Variants in NELFCD observed in about 807,000 individuals in gnomAD.
NELFCD encodes the protein negative elongation factor complex member C/D, also known as negative elongation factor C/D.
NELFCD carries 48 observed loss-of-function variants against 72.9 expected under a neutral mutation model. The ratio of observed to expected loss-of-function variants is 0.66; its 90% confidence interval spans 0.52 to 0.84. The LOEUF (loss-of-function observed/expected upper bound fraction) is 0.84, where lower values mean the gene tolerates loss of function less well. Ranked by LOEUF, NELFCD falls within the 40% of genes least tolerant of loss-of-function variation. NELFCD has a pLI of 0.00. For missense variants in NELFCD, 538 were observed against 723.8 expected, an observed-to-expected ratio of 0.74 and a Z score of 2.94; for synonymous variants, 297 against 280.6, an observed-to-expected ratio of 1.06 and a Z score of -0.59.
chr20:58,993,544 G>C lies in NELFCD; in HGVS notation c.1440G>C (p.Gln480His). ...ACTCCCAGCTGGACGTGATGGAGCA[G>C]GTGAGCAGTGCCCGTGGGGCTTGCC... Reference protein sequence around the residue: ...TEHSQLDVMEQLELKKTLLDR... With the variant: ...TEHSQLDVMEHLELKKTLLDR... Residue 480 changes from glutamine (Q) to histidine (H), a missense_variant and splice_region_variant, in exon 12 of 15, where the codon CAG becomes CAC. Gln to His is a conservative substitution (Grantham distance 24). This residue lies in a region of NELFCD where 136 missense variants were observed against 154.0 expected (regional missense o/e 0.88). Transcript: ENST00000652272. This position sits in a 1 kb window ranked among gnomAD's most constrained non-coding sequence, Gnocchi z 5.0. The C allele has an allele frequency of 9.9e-6, 16 of 1,614,242 alleles. No individual in the cohort carries two copies. The highest frequency in any genetic ancestry group is 1.3e-5 in the Non-Finnish European group (15 of 1,180,036).
rs140149615 is a variant in NELFCD, at chr20:58,988,339, T to C, written c.396+522T>C. On this transcript the variant is annotated intron_variant, in intron 4 of 14. Transcript: ENST00000652272. ...TCCAGCCATATCAGTGGGGAATCTT[T>C]AAGCCACAGGTGCCCATTCTGGGAG... 7.6e-3 allele frequency among the ~76,000 whole-genome samples: 1,157 copies of C among 152,312 alleles called. 20 individuals are homozygous for C. Among genetic ancestry groups the C allele is most frequent in the African/African-American group, 0.027 (1,114 of 41,570 alleles).
chr20:58,987,676 G>T (rs1276570226), intron 3 of NELFCD, 32 bp from the exon 4 acceptor site: 1 of 1,556,642 alleles, frequency 6.4e-7, no homozygotes. Context: ...TGGACAGCTT[G>T]CCATTGTCTA....
rs144257648 is a variant in NELFCD at position 58,993,508 on chromosome 20, T to G, written c.1404T>G (p.Phe468Leu). ...PQVLQLLVKL[F>L]ETEHSQLDVM... ...TCCTGCAGCTGCTTGTTAAGCTTTT[T>G]GAGACTGAGCACTCCCAGCTGGACG... The change falls in exon 12 of 15, where the codon TTT becomes TTG. Residue 468 changes from phenylalanine (F) to leucine (L), a missense_variant. By Grantham distance (22) the Phe-to-Leu change is conservative (BLOSUM62 0). Around this residue, in one of 3 missense-constraint regions of NELFCD, gnomAD observed 136 missense variants for 154.0 expected, o/e 0.88. Transcript: ENST00000652272. This position sits in a 1 kb window ranked among gnomAD's most constrained non-coding sequence, Gnocchi z 5.0. 6.2e-7 allele frequency: 1 copy of G among 1,614,218 alleles called. No homozygotes were observed. Among genetic ancestry groups the G allele is most frequent in the Non-Finnish European group, 8.5e-7 (1 of 1,180,048 alleles).
intron 8 of NELFCD, 118 bp downstream of exon 8, chr20:58,991,193 C>A: frequency 6.4e-7 from 1 of 1,550,660 alleles, no homozygotes; most frequent in Non-Finnish European, 8.8e-7. Flanking sequence ...GGTCCTTCCT[C>A]AGTCACACTC....
In NELFCD at chr20:58,989,983, G is replaced by A. The variant is rs750324749; in HGVS notation, c.783G>A (p.Gln261=). The change falls in exon 7 of 15, where the codon CAG becomes CAA. Residue 261 remains glutamine (Q), a synonymous_variant. Transcript: ENST00000652272. ...CCCAGGAAGTGCAGCGCTTTGCCCA[G>A]GAGAAGTGAGAGGCCCTGTTTCTGC... ...RIAQEVQRFA[Q]EKGHDASQIT... 6.2e-7 allele frequency: 1 copy of A among 1,612,564 alleles called. No homozygotes were observed. The highest frequency in any genetic ancestry group is 1.1e-5 in the South Asian group (1 of 91,042).
At chr20:58,983,434 C>G (rs1375608415) in intron 1 of NELFCD, among the ~76,000 whole-genome samples, 1 of 145,126 alleles carries the variant, frequency 6.9e-6, no homozygotes, top group Non-Finnish European at 1.5e-5. Context: ...CCGCACCCGG[C>G]CTTTTTTTTT....
rs2091797849 is a variant in NELFCD at position 58,989,514 on chromosome 20, G to A, written c.531G>A (p.Gly177=). The A allele has an allele frequency of 6.2e-7, 1 of 1,614,186 alleles. No individual in the cohort carries two copies. The highest frequency in any genetic ancestry group is 1.7e-5 in the Admixed American group (1 of 60,026). ...VKLISDAGYQ[G]EITSVSTACQ... The stretch of plus-strand genomic sequence containing the variant: ...TTATTTCTGACGCAGGGTACCAGGG[G>A]GAGATCACCAGTGTGTCCACAGCAT... The change falls in exon 6 of 15, where the codon GGG becomes GGA. Residue 177 remains glycine, a synonymous_variant. Transcript: ENST00000652272.
Position 58,994,131 on chromosome 20 carries a change from C to T in NELFCD, c.1603C>T (p.Pro535Ser), listed in dbSNP as rs367687877. The T allele has an allele frequency of 2.5e-6, 4 of 1,614,080 alleles. No homozygotes were observed. In the African/African-American group the frequency reaches 4.0e-5, roughly 16 times the overall value. The change falls in exon 14 of 15, where the codon CCT becomes TCT. Residue 535 changes from proline (P) to serine (S), a missense_variant. Transcript: ENST00000652272. ...GCAGGTGCTGGACGTCATTGCTCCT[C>T]CTTATACCTCTGACTTCGTGCAACT... is the stretch of plus-strand genomic sequence containing the variant. ...VTEVLDVIAP[P>S]YTSDFVQLFL...
intron 4 of NELFCD, among the ~76,000 whole-genome samples, chr20:58,988,657 G>T (rs1601214127): frequency 6.6e-6 from 1 of 152,130 alleles, no homozygotes; most frequent in Admixed American, 6.5e-5. Flanking sequence ...GCGGTTCTCG[G>T]TGTCTCCTAG....
rs768379686 is a variant in NELFCD, at chr20:58,991,454, C to T, written c.1089+8C>T. ...GTTGAGACCTGGAAGAAGGTACCAT[C>T]GGTTCTGGGAATTTGTGGATTTTTT... is the stretch of plus-strand genomic sequence containing the variant. On this transcript the variant is annotated splice_region_variant and intron_variant, in intron 9 of 14. Coordinates refer to ENST00000652272, the MANE Select transcript of NELFCD (RefSeq NM_198976.4). 3.5e-5 allele frequency: 57 copies of T among 1,613,896 alleles called. No homozygotes were observed. The highest frequency in any genetic ancestry group is 1.6e-4 in the Middle Eastern group (1 of 6,062).
In NELFCD at chr20:58,994,172, G is replaced by C; in HGVS notation, c.1644G>C (p.Leu548=). Residue 548 remains leucine, a synonymous_variant, in exon 14 of 15, where the codon CTG becomes CTC. Transcript: ENST00000652272. ...TCGTGCAACTTTTCCTCCCCATCCT[G>C]GAGAATGACAGCATCGCAGGTACCA... The part of the protein sequence containing the change: ...SDFVQLFLPI[L]ENDSIAGTIK... 1 of 1,614,206 alleles carries C rather than the reference G, an allele frequency of 6.2e-7. No homozygotes were observed. The highest frequency in any genetic ancestry group is 2.2e-5 in the East Asian group (1 of 44,882).
Position 58,994,808 on chromosome 20 carries a change from C to T in NELFCD, c.*132C>T. ...ACCGCTGGGAGGAGGTGGATGACTT[C>T]TTTACAAAGGAAAATGGTAGCAGCT... On this transcript the variant is annotated 3_prime_UTR_variant, in exon 15 of 15. Coordinates refer to ENST00000652272, the MANE Select transcript of NELFCD (RefSeq NM_198976.4). 1 of 722,642 alleles carries T rather than the reference C, an allele frequency of 1.4e-6. No individual in the cohort carries two copies. Among genetic ancestry groups the T allele is most frequent in the Non-Finnish European group, 2.5e-6 (1 of 407,336 alleles). The allele number at this position is 722,642 out of a possible 1,614,324, so 44.8% of individuals were successfully genotyped here. A position where few individuals can be genotyped will look rare whatever the true frequency, so the allele number is the denominator to read the frequency against.
chr20:58,991,139 G>T, intron 8 of NELFCD, 64 bp downstream of exon 8: 1 of 1,577,840 alleles, frequency 6.3e-7, no homozygotes, highest in Non-Finnish European at 8.7e-7. Flanking sequence ...GTCTGTGCTT[G>T]TCTGATTGTC....
chr20:58,988,558 C>G (rs577081284), intron 4 of NELFCD, among the ~76,000 whole-genome samples: 5 of 152,242 alleles, frequency 3.3e-5, no homozygotes, highest in East Asian at 3.9e-4. Context: ...GCCAGAACAC[C>G]TGTGCCATTT....
Position 58,986,888 on chromosome 20 carries a change from T to C in NELFCD, c.286+25T>C, listed in dbSNP as rs748848393. 1.3e-6 allele frequency: 2 copies of C among 1,485,142 alleles called. No homozygotes were observed. Among genetic ancestry groups the C allele is most frequent in the Non-Finnish European group, 1.9e-6 (2 of 1,074,276 alleles). 92.0% of individuals were successfully genotyped at this position (1,485,142 alleles called of 1,614,324 possible). ...GGTGCTTTGTGGGTGTCCCCTGTCC[T>C]GGCTAGTTACCCCCACTTTTTTAAA... is the stretch of plus-strand genomic sequence containing the variant. On this transcript the variant is annotated intron_variant, in intron 3 of 14. Coordinates refer to ENST00000652272, the MANE Select transcript of NELFCD (RefSeq NM_198976.4). This position sits in a 1 kb window ranked among gnomAD's most constrained non-coding sequence, Gnocchi z 4.4.
rs1402927553 is a variant in NELFCD at position 58,989,628 on chromosome 20, C to T, written c.645C>T (p.Leu215=). 2.5e-6 allele frequency: 4 copies of T among 1,614,206 alleles called. No homozygotes were observed. In the South Asian group the frequency reaches 4.4e-5, roughly 18 times the overall value. ...DGGEENLEKN[L]PEFAKMVCHG... is the part of the protein sequence containing the mutation. The stretch of plus-strand genomic sequence containing the variant: ...GAGAAGAAAACCTTGAAAAAAATCT[C>T]CCTGAGTTTGCCGTAAGTTCTTTCT... The change falls in exon 6 of 15, where the codon CTC becomes CTT. Residue 215 remains leucine, a synonymous_variant. Coordinates refer to ENST00000652272, the MANE Select transcript of NELFCD (RefSeq NM_198976.4).
At chr20:58,991,642 C>T (rs1343345840) in intron 9 of NELFCD, 196 bp downstream of exon 9, 2 of 747,124 alleles carry the variant, frequency 2.7e-6, no homozygotes, top group Admixed American at 5.8e-5. Flanking sequence ...GCTCTGCAAA[C>T]CGTAAATTGA....
At position 58,991,168 on chromosome 20, in the gene NELFCD, A is replaced by G. The variant is rs529481780; in HGVS notation, c.954+93A>G. On this transcript the variant is annotated intron_variant, in intron 8 of 14. Coordinates refer to ENST00000652272, the MANE Select transcript of NELFCD (RefSeq NM_198976.4). ...GATTGTCTGAAGGCTGTGAATGCAA[A>G]TCCATCATTGTCCTGGTCCTTCCTC... is the stretch of plus-strand genomic sequence containing the variant. The G allele has an allele frequency of 4.6e-5, 72 of 1,553,542 alleles. No homozygotes were observed. In the South Asian group the frequency reaches 7.6e-4, roughly 16 times the overall value.
chr20:58,990,852 A>G, intron 7 of NELFCD, 58 bp from the exon 8 acceptor site: 20 of 1,475,548 alleles, frequency 1.4e-5, no homozygotes, highest in Non-Finnish European at 1.8e-5. Context: ...TGTGTAAAAA[A>G]GAACAGAAAA....
Sources: gnomAD v4.1 joint callset for allele counts (sites outside exome capture counted in the v4.1 genomes callset) on GRCh38, gnomAD v4.1.1 for gene constraint, gnomAD v4.1.1 regional missense constraint, Gnocchi (gnomAD v3.1) non-coding constraint, MANE v1.5 for transcripts, NCBI Gene and HGNC (gene_info 2026-07-23, HGNC 2026-07-21) for gene names.